NEK11: variants seen among roughly 807,000 people sequenced by gnomAD.
NEK11 encodes the protein serine/threonine-protein kinase Nek11.
NEK11 carries 72 observed loss-of-function variants against 80.7 expected under a neutral mutation model. The observed-to-expected ratio is 0.89, with a 90% CI of 0.74 to 1.08. The LOEUF (loss-of-function observed/expected upper bound fraction) is 1.08. Ranked by LOEUF, NEK11 falls within the 50% of genes least tolerant of loss-of-function variation. The pLI, the probability that NEK11 is intolerant of heterozygous loss-of-function variation, is 0.00. For synonymous variants in NEK11, 251 were observed against 260.7 expected (o/e 0.96, Z 0.36); for missense variants, 764 against 763.6 (o/e 1.00, Z -0.01).
intron 3 of NEK11, among the ~76,000 whole-genome samples, chr3:131,057,152 C>T (rs1377963527): frequency 6.7e-6 from 1 of 150,242 alleles, no homozygotes; most frequent in Non-Finnish European, 1.5e-5. Context: ...GTTTTTTGTC[C>T]TTGAGATAGT....
chr3:131,321,761 G>T (rs7643172), intron 17 of NEK11, among the ~76,000 whole-genome samples: 8,250 of 152,124 alleles, frequency 0.054, 724 homozygotes, highest in African/African-American at 0.19. Context: ...CTAAATATCA[G>T]AGAAATGGAA....
At chr3:131,129,129 C>A (rs1321938982) in intron 5 of NEK11, among the ~76,000 whole-genome samples, 2 of 142,638 alleles carry the variant, frequency 1.4e-5, no homozygotes, top group Non-Finnish European at 3.0e-5. Context: ...TGGCTCACTG[C>A]AAGCTCCACC....
At chr3:131,346,839 GC>G (rs1233211445) in intron 17 of NEK11, among the ~76,000 whole-genome samples, 1 of 152,138 alleles carries the variant, frequency 6.6e-6, no homozygotes, top group Non-Finnish European at 1.5e-5. Context: ...GTAGTCATTG[GC>G]ACTGATGAGG....
intron 4 of NEK11, among the ~76,000 whole-genome samples, chr3:131,093,846 G>C (rs1467912830): frequency 1.3e-5 from 2 of 151,832 alleles, no homozygotes; most frequent in Admixed American, 1.3e-4. Flanking sequence ...CCCTGCAAAA[G>C]CTATCAATTA....
chr3:131,055,562 C>T (rs1488366207), intron 3 of NEK11, among the ~76,000 whole-genome samples: 1 of 151,896 alleles, frequency 6.6e-6, no homozygotes, highest in Non-Finnish European at 1.5e-5. Context: ...ATAGTAGGAC[C>T]CCATCTCTAC....
At chr3:131,039,902 T>C (rs2403232) in intron 3 of NEK11, among the ~76,000 whole-genome samples, 138,443 of 152,232 alleles carry the variant, frequency 0.91, 63,486 homozygotes, top group Non-Finnish European at 0.95. Flanking sequence ...AAGCAACCCT[T>C]ATGTTAGTAA....
intron 17 of NEK11, chr3:131,325,355 G>T (rs1370207140): frequency 1.4e-5 from 2 of 139,034 alleles, no homozygotes; most frequent in Non-Finnish European, 3.0e-5. Context: ...CATTTCTAAG[G>T]GGTACATACT....
intron 5 of NEK11, among the ~76,000 whole-genome samples, chr3:131,111,707 C>T (rs1292819938): frequency 6.6e-6 from 1 of 151,884 alleles, no homozygotes; most frequent in Admixed American, 6.6e-5. Context: ...TGGTTTTTGC[C>T]ATTATTTTTA....
intron 13 of NEK11, among the ~76,000 whole-genome samples, chr3:131,170,430 G>T (rs1396404379): frequency 6.6e-6 from 1 of 152,172 alleles, no homozygotes; most frequent in Non-Finnish European, 1.5e-5. Flanking sequence ...GTAGGGTGTG[G>T]TAAGTGGAAC....
chr3:131,205,308 C>T (rs1037157856), intron 14 of NEK11, among the ~76,000 whole-genome samples: 1 of 152,040 alleles, frequency 6.6e-6, no homozygotes. Flanking sequence ...CTTTTGAATC[C>T]AGAACAGGTA....
chr3:131,249,431 C>T (rs1049394441), intron 16 of NEK11, among the ~76,000 whole-genome samples: 11 of 151,920 alleles, frequency 7.2e-5, no homozygotes, highest in Non-Finnish European at 1.3e-4. Flanking sequence ...AGAAATAGAC[C>T]CCAGGTGCCT....
intron 14 of NEK11, among the ~76,000 whole-genome samples, chr3:131,189,029 A>C (rs1210063457): frequency 1.3e-5 from 2 of 152,170 alleles, no homozygotes; most frequent in African/African-American, 4.8e-5. Context: ...ATAGAGAGAT[A>C]TATTAATACA....
rs1475335867 is a variant in NEK11, at chr3:131,162,492, G to A, written c.1047G>A (p.Lys349=). Residue 349 remains lysine (K), a synonymous_variant, in exon 11 of 18, where the codon AAG becomes AAA. Coordinates refer to ENST00000383366, the MANE Select transcript of NEK11 (RefSeq NM_024800.5). ...MTPRERMRLR[K]LQAADEKARK... is the part of the protein sequence containing the mutation. ...CAAGAGAAAGGATGCGGCTGAGGAAGCTCCAGGCGGCTGATGAGAAAGCCA... is the reference window on the plus strand; with the variant it reads ...CAAGAGAAAGGATGCGGCTGAGGAAACTCCAGGCGGCTGATGAGAAAGCCA... 2 of 1,614,014 alleles carry A rather than the reference G, an allele frequency of 1.2e-6. No individual in the cohort carries two copies. Among genetic ancestry groups the A allele is most frequent in the African/African-American group, 2.7e-5 (2 of 74,926 alleles).
intron 5 of NEK11, among the ~76,000 whole-genome samples, chr3:131,117,506 G>A (rs2081476472): frequency 6.6e-6 from 1 of 152,016 alleles, no homozygotes; most frequent in Non-Finnish European, 1.5e-5. Context: ...TCCCAATTCT[G>A]TGAAGAAAGT....
chr3:131,347,015 G>A (rs1280165993), intron 17 of NEK11, among the ~76,000 whole-genome samples: 1 of 152,194 alleles, frequency 6.6e-6, no homozygotes, highest in Non-Finnish European at 1.5e-5. Flanking sequence ...AGTAATCAGT[G>A]TATGAAGAGA....
intron 3 of NEK11, among the ~76,000 whole-genome samples, chr3:131,047,129 G>T (rs2067522256): frequency 6.6e-6 from 1 of 152,096 alleles, no homozygotes. Flanking sequence ...TCCATTTCCA[G>T]AAGTATCACT....
intron 3 of NEK11, among the ~76,000 whole-genome samples, chr3:131,042,719 T>A (rs2066713839): frequency 6.6e-6 from 1 of 152,178 alleles, no homozygotes; most frequent in African/African-American, 2.4e-5. Flanking sequence ...CTGCTGACTC[T>A]GAAGAGAGCA....
Position 131,127,292 on chromosome 3 carries a change from T to C in NEK11, c.456-5453T>C, listed in dbSNP as rs534137627. ...TTCTATGTTTTTAATCTTTTTTTCT[T>C]TTTGCACCTCAGTTGAAATACTTTT... On this transcript the variant is annotated intron_variant, in intron 5 of 17. Coordinates refer to ENST00000383366, the MANE Select transcript of NEK11 (RefSeq NM_024800.5). Among the ~76,000 whole-genome samples the C allele has an allele frequency of 2.2e-4, 33 of 152,200 alleles. 1 individual carries two copies. The highest frequency in any genetic ancestry group is 3.9e-4 in the Admixed American group (6 of 15,288).
intron 5 of NEK11, 135 bp downstream of exon 5, chr3:131,110,056 A>G: frequency 1.2e-6 from 1 of 854,642 alleles, no homozygotes; most frequent in Non-Finnish European, 1.8e-6. Flanking sequence ...CATCTATAAT[A>G]TGTTTTTCCT....
Sources: gnomAD v4.1 joint callset for allele counts (sites outside exome capture counted in the v4.1 genomes callset) on GRCh38, gnomAD v4.1.1 for gene constraint, MANE v1.5 for transcripts, NCBI Gene and HGNC (gene_info 2026-07-23, HGNC 2026-07-21) for gene names.